DNAH14: variants seen among roughly 807,000 people sequenced by gnomAD.
DNAH14 encodes the protein dynein axonemal heavy chain 14.
Under a neutral mutation model 520.9 loss-of-function variants are expected in DNAH14, and 478 were observed. The observed-to-expected ratio is 0.92, with a 90% confidence interval of 0.85 to 0.99. DNAH14 has a LOEUF of 0.99. Ranked by LOEUF, DNAH14 falls within the 50% of genes least tolerant of loss-of-function variation. The pLI, the probability that DNAH14 is intolerant of heterozygous loss-of-function variation, is 0.00. For missense variants in DNAH14, 4,831 were observed against 5,234.5 expected, an observed-to-expected ratio of 0.92 and a Z score of 2.38; for synonymous variants, 1,581 against 1,757.2, an observed-to-expected ratio of 0.90 and a Z score of 2.51.
intron 30 of DNAH14, among the ~76,000 whole-genome samples, chr1:225,146,145 G>A (rs1222204908): frequency 6.6e-6 from 1 of 152,158 alleles, no homozygotes; most frequent in Admixed American, 6.5e-5. Flanking sequence ...CTCCACATGA[G>A]TGAGGCCAAA....
intron 50 of DNAH14, among the ~76,000 whole-genome samples, chr1:225,271,560 G>A (rs936411463): frequency 6.6e-6 from 1 of 152,072 alleles, no homozygotes; most frequent in Non-Finnish European, 1.5e-5. Context: ...AGTTTTGTCA[G>A]TTTACACTTC....
At chr1:225,172,208 A>T (rs940766634) in intron 36 of DNAH14, among the ~76,000 whole-genome samples, 2 of 152,200 alleles carry the variant, frequency 1.3e-5, no homozygotes, top group African/African-American at 4.8e-5. Context: ...GGCACAAGAC[A>T]GGGATGCCCT....
intron 1 of DNAH14, among the ~76,000 whole-genome samples, chr1:224,939,981 T>G (rs1244809994): frequency 2.8e-4 from 42 of 152,202 alleles, no homozygotes; most frequent in Admixed American, 2.7e-3. Context: ...TCTAGTAGCT[T>G]CAATCAACAA....
chr1:225,021,356 C>T (rs749641635), intron 10 of DNAH14, among the ~76,000 whole-genome samples: 190 of 152,138 alleles, frequency 1.2e-3, no homozygotes, highest in Non-Finnish European at 2.3e-3. Context: ...GTCAAACTAT[C>T]TGTTTGTAGA....
rs1054618177 is a variant in DNAH14, at chr1:225,322,781, G to A, written c.9453G>A (p.Leu3151=). 1.2e-5 allele frequency: 19 copies of A among 1,551,648 alleles called. No individual in the cohort carries two copies. In the African/African-American group the frequency reaches 2.6e-4, roughly 21 times the overall value. Residue 3151 remains leucine (L), a synonymous_variant, in exon 62 of 86, where the codon CTG becomes CTA. Coordinates refer to ENST00000682510, the MANE Select transcript of DNAH14 (RefSeq NM_001367479.1). ...AKLLLSETGF[L]KKLINLDKDS... ...TACTTCTTTCAGAAACTGGTTTCCT[G>A]AAAAAATTGATTAACCTTGACAAGG...
Position 225,358,603 on chromosome 1 carries a change from A to C in DNAH14, c.11727A>C (p.Ala3909=). 6.5e-7 allele frequency: 1 copy of C among 1,549,472 alleles called. No individual in the cohort carries two copies. The highest frequency in any genetic ancestry group is 8.7e-7 in the Non-Finnish European group (1 of 1,146,232). Residue 3909 remains alanine, a synonymous_variant, in exon 74 of 86, where the codon GCA becomes GCC. Coordinates refer to ENST00000682510, the MANE Select transcript of DNAH14 (RefSeq NM_001367479.1). Reference sequence around the variant, plus strand: ...GAACTGGAGTTAATTTGAAAGATGCATATAAAGGATCCAATGCCAGAACTC... The same window carrying C: ...GAACTGGAGTTAATTTGAAAGATGCCTATAAAGGATCCAATGCCAGAACTC... ...LQRTGVNLKD[A]YKGSNARTPL...
chr1:225,122,074 T>C (rs1325575888), intron 26 of DNAH14, among the ~76,000 whole-genome samples: 1 of 152,060 alleles, frequency 6.6e-6, no homozygotes, highest in East Asian at 1.9e-4. Flanking sequence ...TCCAAAAAGA[T>C]TAAAATGTAG....
intron 27 of DNAH14, among the ~76,000 whole-genome samples, chr1:225,135,122 C>G (rs979594767): frequency 6.6e-6 from 1 of 151,902 alleles, no homozygotes; most frequent in South Asian, 2.1e-4. Context: ...CCTGGATTTG[C>G]TAATTTTTTA....
rs1298718228 is a variant in DNAH14, at chr1:225,399,035, A to T, written c.13639-19A>T. On this transcript the variant is annotated intron_variant, in intron 85 of 85. Transcript: ENST00000682510. ...TTGAACTATGCAATTTGACTACTGG[A>T]TTTTTTTTTTTTTTAAAGATTTCTA... is the stretch of plus-strand genomic sequence containing the variant. 9.6e-6 allele frequency: 11 copies of T among 1,150,192 alleles called. No individual in the cohort carries two copies. The highest frequency in any genetic ancestry group is 1.6e-5 in the African/African-American group (1 of 62,566). 71.2% of individuals were successfully genotyped at this position (1,150,192 alleles called of 1,614,324 possible).
At chr1:225,256,511 C>T (rs114284974) in intron 44 of DNAH14, among the ~76,000 whole-genome samples, 209 of 152,004 alleles carry the variant, frequency 1.4e-3, no homozygotes, top group Non-Finnish European at 2.2e-3. Context: ...CTAAGTTTAA[C>T]GAGAAATATG....
chr1:225,030,839 A>G (rs559319115), intron 11 of DNAH14, among the ~76,000 whole-genome samples: 22 of 152,024 alleles, frequency 1.4e-4, no homozygotes, highest in Non-Finnish European at 2.8e-4. Context: ...TTCTTTTTCA[A>G]AATTGTTTTA....
At chr1:225,269,530 G>C (rs146437358) in intron 49 of DNAH14, among the ~76,000 whole-genome samples, 1 of 152,184 alleles carries the variant, frequency 6.6e-6, no homozygotes, top group Non-Finnish European at 1.5e-5. Context: ...ACTACCATCA[G>C]AGTGAACAGG....
rs1390928512 is a variant in DNAH14, at chr1:225,082,593, A to G, written c.3181A>G (p.Thr1061Ala). 2 of 1,551,626 alleles carry G rather than the reference A, an allele frequency of 1.3e-6. No homozygotes were observed. Among genetic ancestry groups the G allele is most frequent in the Non-Finnish European group, 1.7e-6 (2 of 1,146,950 alleles). Residue 1061 changes from threonine to alanine, a missense_variant, in exon 20 of 86, where the codon ACA becomes GCA. By Grantham distance (58) the Thr-to-Ala change is moderately conservative (BLOSUM62 0). Coordinates refer to ENST00000682510, the MANE Select transcript of DNAH14 (RefSeq NM_001367479.1). ...GGTAACACATCTTAAGCAAGTGGTA[A>G]CAGAGTTTAAACAAGAGCTGCCTAT... ...DMVTHLKQVV[T>A]EFKQELPIII...
At chr1:225,109,020 A>G (rs1345081756) in intron 23 of DNAH14, among the ~76,000 whole-genome samples, 1 of 152,104 alleles carries the variant, frequency 6.6e-6, no homozygotes, top group Non-Finnish European at 1.5e-5. Context: ...AAATGAGTTC[A>G]CTGTAGATGT....
chr1:224,961,576 G>C (rs894823181), intron 4 of DNAH14, among the ~76,000 whole-genome samples: 14 of 152,080 alleles, frequency 9.2e-5, no homozygotes, highest in Admixed American at 7.2e-4. Flanking sequence ...GGAAATGCCA[G>C]ATGCTTATAA....
In DNAH14 at chr1:225,380,448, A is replaced by C. The variant is rs1051439935; in HGVS notation, c.12880+126A>C. The C allele has an allele frequency of 1.5e-5, 17 of 1,122,802 alleles. No homozygotes were observed. In the African/African-American group the frequency reaches 2.7e-4, roughly 18 times the overall value. 69.6% of individuals were successfully genotyped at this position (1,122,802 alleles called of 1,614,324 possible). A position where few individuals can be genotyped will look rare whatever the true frequency, so the allele number is the denominator to read the frequency against. On this transcript the variant is annotated intron_variant, in intron 80 of 85. Coordinates refer to ENST00000682510, the MANE Select transcript of DNAH14 (RefSeq NM_001367479.1). ...GTGAAAATACTGAGATAAGATGGAAAACTCAGTCTCTGCCTCCTCTCTCCA... is the reference window on the plus strand; with the variant it reads ...GTGAAAATACTGAGATAAGATGGAACACTCAGTCTCTGCCTCCTCTCTCCA...
chr1:225,170,029 A>C (rs1039362369), intron 36 of DNAH14, among the ~76,000 whole-genome samples: 2 of 152,190 alleles, frequency 1.3e-5, no homozygotes, highest in African/African-American at 4.8e-5. Flanking sequence ...AAGCTCCATA[A>C]GTGAAGGAGA....
At chr1:225,093,380 A>G (rs1270513936) in intron 21 of DNAH14, among the ~76,000 whole-genome samples, 3 of 152,144 alleles carry the variant, frequency 2.0e-5, no homozygotes, top group African/African-American at 7.2e-5. Context: ...AAAAACAAAA[A>G]TCACATGATT....
intron 11 of DNAH14, among the ~76,000 whole-genome samples, chr1:225,031,389 T>TA (rs2148108568): frequency 6.6e-6 from 1 of 152,188 alleles, no homozygotes; most frequent in East Asian, 1.9e-4. Flanking sequence ...CCCATTTGTT[T>TA]ACCCATTGTC....
Sources: gnomAD v4.1 joint callset for allele counts (sites outside exome capture counted in the v4.1 genomes callset) on GRCh38, gnomAD v4.1.1 for gene constraint, MANE v1.5 for transcripts, NCBI Gene and HGNC (gene_info 2026-07-23, HGNC 2026-07-21) for gene names.